MMRN1: variants seen among roughly 807,000 people sequenced by gnomAD.
MMRN1 encodes multimerin-1.
In MMRN1, 94 loss-of-function variants were observed where a neutral mutation model predicts 100.7. The ratio of observed to expected loss-of-function variants is 0.93; its 90% CI spans 0.79 to 1.11. MMRN1 has a LOEUF of 1.11. Among genes scored for constraint, MMRN1 ranks in the 50% least tolerant of loss-of-function variants. The pLI is 0.00. For synonymous variants in MMRN1, 575 were observed against 505.0 expected, an observed-to-expected ratio of 1.14 and a Z score of -1.86; for missense variants, 1,606 against 1,439.1, an observed-to-expected ratio of 1.12 and a Z score of -1.88.
chr4:89,934,400 A>G (rs890242242), intron 5 of MMRN1, among the ~76,000 whole-genome samples: 2 of 152,184 alleles, frequency 1.3e-5, no homozygotes, highest in African/African-American at 4.8e-5. Context: ...GTAGAAACCT[A>G]ACAACACAGT....
upstream of MMRN1, among the ~76,000 whole-genome samples, chr4:89,894,265 T>TA (rs1721120950): frequency 6.6e-6 from 1 of 152,158 alleles, no homozygotes; most frequent in African/African-American, 2.4e-5. Flanking sequence ...TTCAATTACT[T>TA]ATGCTTTCCT....
intron 1 of MMRN1, among the ~76,000 whole-genome samples, chr4:89,880,597 G>C (rs1720794759): frequency 6.6e-6 from 1 of 152,146 alleles, no homozygotes; most frequent in Non-Finnish European, 1.5e-5. Context: ...AGAAATTCAA[G>C]GATAGATGAG....
rs772559690 is a variant in MMRN1 at position 89,935,767 on chromosome 4, C to T, written c.2087C>T (p.Thr696Ile). The T allele has an allele frequency of 6.8e-6, 11 of 1,611,874 alleles. No individual in the cohort carries two copies. The South Asian group carries it at 1.2e-4, about 18-fold the overall frequency. Reference protein sequence around the residue: ...NSLNFIIKELTKRHNLLRNEV... With the variant: ...NSLNFIIKELIKRHNLLRNEV... ...CTAAATTTTATTATCAAAGAACTTACAAAAAGACACAACTTACTTAGAAAT... is the reference window on the plus strand; with the variant it reads ...CTAAATTTTATTATCAAAGAACTTATAAAAAGACACAACTTACTTAGAAAT... The change falls in exon 6 of 8, where the codon ACA becomes ATA. Residue 696 changes from threonine to isoleucine, a missense_variant. Coordinates refer to ENST00000264790, the MANE Select transcript of MMRN1 (RefSeq NM_007351.3).
rs1207153373 is a variant in MMRN1, at chr4:89,888,836, T to A, written c.-248-5888T>A. 3.9e-5 allele frequency among the ~76,000 whole-genome samples: 6 copies of A among 152,146 alleles called. No individual in the cohort carries two copies. In the East Asian group the frequency reaches 9.6e-4, roughly 24 times the overall value. ...CTGAAATTCCCGTTCTGTTCAGACA[T>A]GTTGCCCATCTTCAATACCACATTC... On this transcript the variant is annotated intron_variant, in intron 1 of 8. Coordinates refer to the MMRN1 transcript ENST00000394980.
chr4:89,910,079 T>A (rs1721700235), intron 2 of MMRN1, among the ~76,000 whole-genome samples: 1 of 151,390 alleles, frequency 6.6e-6, no homozygotes, highest in African/African-American at 2.4e-5. Flanking sequence ...GTTATGCAAA[T>A]AGTCATACAA....
chr4:89,911,089 C>G (rs1055256947), intron 2 of MMRN1, among the ~76,000 whole-genome samples: 6 of 151,328 alleles, frequency 4.0e-5, no homozygotes, highest in African/African-American at 1.5e-4. Context: ...AATAATAATG[C>G]CTTCATCATA....
rs76982197 is a variant in MMRN1 at position 89,922,998 on chromosome 4, G to T, written c.851-170G>T. On this transcript the variant is annotated intron_variant, in intron 3 of 7. Coordinates refer to ENST00000264790, the MANE Select transcript of MMRN1 (RefSeq NM_007351.3). Reference sequence around the variant, plus strand: ...CCTGCATTTCCCACTCCAATGTGGTGTTGCATTGCCCTATGGTTGGGGGCG... The same window carrying T: ...CCTGCATTTCCCACTCCAATGTGGTTTTGCATTGCCCTATGGTTGGGGGCG... 2.8e-3 allele frequency among the ~76,000 whole-genome samples: 419 copies of T among 152,168 alleles called. 4 individuals carry two copies. Among genetic ancestry groups the T allele is most frequent in the African/African-American group, 9.4e-3 (389 of 41,518 alleles).
At position 89,923,266 on chromosome 4, in the gene MMRN1, G is replaced by T. The variant is rs772972478; in HGVS notation, c.949G>T (p.Asp317Tyr). The part of the protein sequence containing the change: ...AEQQQQQGCG[D>Y]PEVMQKMTDQ... ...GCAGCAGCAGCAGCAAGGCTGTGGT[G>T]ACCCAGGTCATAGATTGTAATTACT... The change falls in exon 4 of 8, where the codon GAC becomes TAC. Residue 317 changes from aspartate to tyrosine, a missense_variant. Coordinates refer to ENST00000264790, the MANE Select transcript of MMRN1 (RefSeq NM_007351.3). 6.2e-7 allele frequency: 1 copy of T among 1,613,366 alleles called. No individual in the cohort carries two copies. Among genetic ancestry groups the T allele is most frequent in the East Asian group, 2.2e-5 (1 of 44,878 alleles).
rs774236465 is a variant in MMRN1 at position 89,935,955 on chromosome 4, A to G, written c.2275A>G (p.Ser759Gly). Residue 759 changes from serine (S) to glycine (G), a missense_variant, in exon 6 of 8, where the codon AGT becomes GGT. Transcript: ENST00000264790. ...GACTTTAAGTACTATTAAGGATAAT[A>G]GTGAGATCCATCATAAATGTACCTC... ...KETLSTIKDN[S>G]EIHHKCTSDM... is the part of the protein sequence containing the mutation. The G allele has an allele frequency of 2.2e-5, 35 of 1,612,044 alleles. No individual in the cohort carries two copies. Among genetic ancestry groups the G allele is most frequent in the Middle Eastern group, 1.7e-4 (1 of 6,044 alleles).
At chr4:89,890,511 T>C (rs893683800), upstream of MMRN1, among the ~76,000 whole-genome samples, 1 of 152,090 alleles carries the variant, frequency 6.6e-6, no homozygotes, top group African/African-American at 2.4e-5. Context: ...AGTCTTATTC[T>C]ATTTTTTCTA....
Position 89,901,331 on chromosome 4 carries a change from A to AT in MMRN1, c.623+5745dup, listed in dbSNP as rs200789369. On this transcript the variant is annotated intron_variant, in intron 1 of 7. Coordinates refer to ENST00000264790, the MANE Select transcript of MMRN1 (RefSeq NM_007351.3). ...AATTTGAATATGCAGAAAAAGAGGGATTTTTTTTCTGAGTTTAATGACAAA... is the reference window on the plus strand; with the variant it reads ...AATTTGAATATGCAGAAAAAGAGGGATTTTTTTTTCTGAGTTTAATGACAAA... Among the ~76,000 whole-genome samples the AT allele has an allele frequency of 5.9e-3, 899 of 151,726 alleles. 14 individuals carry two copies. Among genetic ancestry groups the AT allele is most frequent in the African/African-American group, 0.021 (856 of 41,372 alleles).
chr4:89,915,492 G>A (rs1044914128), intron 3 of MMRN1, among the ~76,000 whole-genome samples: 1 of 151,570 alleles, frequency 6.6e-6, no homozygotes, highest in Non-Finnish European at 1.5e-5. Context: ...TTCTGAGTGA[G>A]AGAGAGCAAA....
rs1275553407 is a variant in MMRN1 at position 89,936,740 on chromosome 4, T to A, written c.3060T>A (p.Asn1020Lys). 1.2e-6 allele frequency: 2 copies of A among 1,612,926 alleles called. No individual in the cohort carries two copies. The highest frequency in any genetic ancestry group is 1.7e-5 in the Admixed American group (1 of 59,924). The change falls in exon 6 of 8, where the codon AAT (asparagine) becomes AAA (lysine). Residue 1020 changes from asparagine to lysine, a missense_variant. Physicochemically the swap from Asn to Lys is moderately conservative, Grantham distance 94. Coordinates refer to ENST00000264790, the MANE Select transcript of MMRN1 (RefSeq NM_007351.3). ...KINALKKPTV[N>K]LTTVLIGRTQ... ...ACGCACTTAAGAAACCAACGGTAAA[T>A]CTTACCACAGTCCTGATAGGCCGGA...
intron 5 of MMRN1, among the ~76,000 whole-genome samples, chr4:89,933,936 GT>G (rs1046606014): frequency 2.9e-4 from 44 of 152,010 alleles, no homozygotes; most frequent in African/African-American, 9.2e-4. Context: ...TTGTATGCAA[GT>G]TTTTTTATAT....
At chr4:89,885,606 A>G (rs867257866) in intron 1 of MMRN1, among the ~76,000 whole-genome samples, 9 of 152,202 alleles carry the variant, frequency 5.9e-5, no homozygotes, top group African/African-American at 1.9e-4. Context: ...AGTTTTCTAA[A>G]TGTCTCTTTC....
rs752471976 is a variant in MMRN1 at position 89,895,456 on chromosome 4, CTGGAGGCATTGGAGGCGT to C, written c.494_511del (p.Ile165_Gly170del). 2 of 1,613,624 alleles carry C rather than the reference CTGGAGGCATTGGAGGCGT, an allele frequency of 1.2e-6. No individual in the cohort carries two copies. Among genetic ancestry groups the C allele is most frequent in the African/African-American group, 1.3e-5 (1 of 74,888 alleles). ...ACTTCTCTAAACACAGTTGGAGGCA[CTGGAGGCATTGGAGGCGT>C]TGGAGGCACTGGAGGCGTGGGAAAT... On this transcript the variant is annotated inframe_deletion, in exon 1 of 8. Transcript: ENST00000264790.
At chr4:89,912,242 C>T (rs1208643724) in intron 3 of MMRN1, among the ~76,000 whole-genome samples, 192 bp downstream of exon 3, 1 of 151,220 alleles carries the variant, frequency 6.6e-6, no homozygotes, top group East Asian at 1.9e-4. Context: ...TATTCTTTAA[C>T]TTCTCCCCCC....
rs766488356 is a variant in MMRN1, at chr4:89,953,159, G to T, written c.3428G>T (p.Gly1143Val). 6.2e-7 allele frequency: 1 copy of T among 1,613,772 alleles called. No homozygotes were observed. Among genetic ancestry groups the T allele is most frequent in the Middle Eastern group, 1.7e-4 (1 of 6,058 alleles). Residue 1143 changes from glycine (G) to valine (V), a missense_variant, in exon 8 of 8, where the codon GGA (glycine) becomes GTA (valine). Gly to Val is a moderately radical substitution (Grantham distance 109). Transcript: ENST00000264790. ...RTGKFRIPYL[G>V]VYVFKYTIES... ...GGAAAATTTAGAATTCCGTATCTTGGAGTATATGTTTTCAAGTACACCATC... is the reference window on the plus strand; with the variant it reads ...GGAAAATTTAGAATTCCGTATCTTGTAGTATATGTTTTCAAGTACACCATC...
chr4:89,925,931 C>G (rs1053390645), intron 4 of MMRN1, among the ~76,000 whole-genome samples: 2 of 152,174 alleles, frequency 1.3e-5, no homozygotes, highest in Non-Finnish European at 2.9e-5. Context: ...CTTAGCATAA[C>G]GATCTCCAGT....
Sources: gnomAD v4.1 joint callset for allele counts (sites outside exome capture counted in the v4.1 genomes callset) on GRCh38, gnomAD v4.1.1 for gene constraint, MANE v1.5 for transcripts, NCBI Gene and HGNC (gene_info 2026-07-23, HGNC 2026-07-21) for gene names.